Variants in FSTL5 observed in about 807,000 individuals in gnomAD.
The protein encoded by FSTL5 is follistatin like 5, also known as follistatin-related protein 5.
Under a neutral mutation model 89.1 loss-of-function variants are expected in FSTL5, and 62 were observed. That is an observed-to-expected ratio of 0.70 (90% CI 0.57 to 0.86). FSTL5 has a LOEUF of 0.86. Ranked by LOEUF, FSTL5 falls within the 40% of genes least tolerant of loss-of-function variation. FSTL5 has a pLI of 0.00. For missense variants in FSTL5, 1,057 were observed against 1,001.6 expected, an observed-to-expected ratio of 1.06 and a Z score of -0.75; for synonymous variants, 383 against 346.2, an observed-to-expected ratio of 1.11 and a Z score of -1.18.
intron 5 of FSTL5, among the ~76,000 whole-genome samples, chr4:161,775,216 C>T (rs1252918127): frequency 2.0e-5 from 3 of 152,104 alleles, no homozygotes; most frequent in African/African-American, 7.2e-5. Flanking sequence ...CAAAATCCAC[C>T]TCAAGATATG....
chr4:161,997,608 T>C (rs1290197049), intron 3 of FSTL5, among the ~76,000 whole-genome samples: 1 of 49,728 alleles, frequency 2.0e-5, no homozygotes, highest in African/African-American at 6.9e-5. Context: ...TATCTTTTTT[T>C]TTTTTTTTTT....
intron 15 of FSTL5, chr4:161,386,750 G>A (rs185860211): frequency 3.2e-6 from 1 of 314,350 alleles, no homozygotes; most frequent in African/African-American, 2.1e-5. Flanking sequence ...GAAAGAAGAA[G>A]TATACATTAT....
chr4:161,839,732 G>C (rs76279579), intron 4 of FSTL5, among the ~76,000 whole-genome samples: 11,814 of 152,214 alleles, frequency 0.078, 532 homozygotes, highest in African/African-American at 0.12. Context: ...CTTAAAAAGG[G>C]AATGAAAGAC....
intron 5 of FSTL5, among the ~76,000 whole-genome samples, chr4:161,771,555 AT>A (rs1211571998): frequency 1.3e-5 from 2 of 152,116 alleles, no homozygotes; most frequent in Admixed American, 6.6e-5. Context: ...CTTATAAAAA[AT>A]ATCCTAGGAT....
At chr4:162,129,445 G>C (rs1160395615) in intron 1 of FSTL5, among the ~76,000 whole-genome samples, 1 of 152,166 alleles carries the variant, frequency 6.6e-6, no homozygotes, top group African/African-American at 2.4e-5. Flanking sequence ...AAAAGATAAA[G>C]TGAGAAAAAA....
At chr4:161,586,181 A>G (rs1281421486) in intron 8 of FSTL5, among the ~76,000 whole-genome samples, 2 of 152,164 alleles carry the variant, frequency 1.3e-5, no homozygotes, top group Non-Finnish European at 1.5e-5. Flanking sequence ...CTCTGACTTC[A>G]TATCCATTTA....
chr4:161,431,448 TAA>T (rs113353224), intron 15 of FSTL5, among the ~76,000 whole-genome samples: 2,343 of 132,776 alleles, frequency 0.018, 57 homozygotes, highest in African/African-American at 0.061. Flanking sequence ...TAACCTCAAA[TAA>T]AAAAAAAAAC....
At chr4:162,125,033 A>G (rs527449252) in intron 1 of FSTL5, among the ~76,000 whole-genome samples, 2 of 152,290 alleles carry the variant, frequency 1.3e-5, no homozygotes, top group African/African-American at 4.8e-5. Flanking sequence ...AGCAAGCTGT[A>G]AGTTTGATTC....
At chr4:161,796,353 C>A (rs781220478) in intron 4 of FSTL5, among the ~76,000 whole-genome samples, 2 of 151,526 alleles carry the variant, frequency 1.3e-5, no homozygotes, top group African/African-American at 2.4e-5. Flanking sequence ...TCTTAGGAAG[C>A]CTTCTCAGTG....
chr4:161,726,912 A>T (rs7691641), intron 6 of FSTL5, among the ~76,000 whole-genome samples: 6,747 of 49,670 alleles, frequency 0.14, 209 homozygotes, highest in Non-Finnish European at 0.18. Context: ...AAAAAAAAAA[A>T]ATATATATAT....
intron 7 of FSTL5, among the ~76,000 whole-genome samples, chr4:161,646,488 A>G (rs1000849497): frequency 6.6e-6 from 1 of 151,922 alleles, no homozygotes; most frequent in African/African-American, 2.4e-5. Context: ...ATAAGATATA[A>G]TATTCTCTAT....
chr4:161,881,101 A>G (rs1483627128), intron 4 of FSTL5, among the ~76,000 whole-genome samples: 1 of 151,456 alleles, frequency 6.6e-6, no homozygotes, highest in Non-Finnish European at 1.5e-5. Flanking sequence ...ATTTTGATTA[A>G]CAAAACTTTA....
intron 3 of FSTL5, among the ~76,000 whole-genome samples, chr4:162,019,742 CTCTCTCTCTCTT>C (rs1247243069): frequency 2.0e-5 from 3 of 146,758 alleles, no homozygotes; most frequent in Non-Finnish European, 4.5e-5. Flanking sequence ...CTGGTTCTCT[CTCTCTCTCTCTT>C]TCTCTCTCTC....
At chr4:161,500,310 G>A (rs1730252394) in intron 11 of FSTL5, among the ~76,000 whole-genome samples, 176 bp from the exon 12 acceptor site, 1 of 152,052 alleles carries the variant, frequency 6.6e-6, no homozygotes, top group African/African-American at 2.4e-5. Context: ...GTGATATTAT[G>A]CAGACATTAC....
chr4:161,995,376 C>CA lies in FSTL5; in HGVS notation c.160+38248dup, dbSNP rs543094155. ...TGCCGAACTTTGCATAGTGAAGATG[C>CA]AATGGAATCAGAATTCCAAACCAGA... On this transcript the variant is annotated intron_variant, in intron 3 of 15. Coordinates refer to ENST00000306100, the MANE Select transcript of FSTL5 (RefSeq NM_020116.5). 2.9e-3 allele frequency among the ~76,000 whole-genome samples: 445 copies of CA among 152,204 alleles called. 1 individual carries two copies. The highest frequency in any genetic ancestry group is 0.01 in the African/African-American group (422 of 41,530).
At chr4:161,545,525 C>T (rs1228918731) in intron 8 of FSTL5, among the ~76,000 whole-genome samples, 1 of 151,928 alleles carries the variant, frequency 6.6e-6, no homozygotes, top group South Asian at 2.1e-4. Flanking sequence ...TTCTGGGAAG[C>T]CAGGATTATG....
intron 1 of FSTL5, among the ~76,000 whole-genome samples, chr4:162,117,122 T>C (rs1731673944): frequency 6.6e-6 from 1 of 152,194 alleles, no homozygotes; most frequent in South Asian, 2.1e-4. Flanking sequence ...CTGTAAATGC[T>C]CACTAGTGCC....
At chr4:161,655,147 T>C (rs548229611) in intron 7 of FSTL5, among the ~76,000 whole-genome samples, 1 of 152,298 alleles carries the variant, frequency 6.6e-6, no homozygotes, top group South Asian at 2.1e-4. Context: ...TTTCACAAGC[T>C]ATAGGCTGTT....
At chr4:162,143,748 A>AC (rs71801352) in intron 1 of FSTL5, among the ~76,000 whole-genome samples, 5,263 of 127,686 alleles carry the variant, frequency 0.041, 133 homozygotes, top group East Asian at 0.061. Context: ...ACACACACAC[A>AC]CCCAGGAAAA....
Sources: gnomAD v4.1 joint callset for allele counts (sites outside exome capture counted in the v4.1 genomes callset) on GRCh38, gnomAD v4.1.1 for gene constraint, MANE v1.5 for transcripts, NCBI Gene and HGNC (gene_info 2026-07-23, HGNC 2026-07-21) for gene names.